The following GDAP2 variants were observed in gnomAD, a reference collection of about 807,000 sequenced individuals.
GDAP2 encodes ganglioside induced differentiation associated protein 2.
Under a neutral mutation model 67.0 loss-of-function variants are expected in GDAP2, and 51 were observed. That is an observed-to-expected ratio of 0.76 (90% CI 0.61 to 0.96). The LOEUF is 0.96. GDAP2 is among the 40% of genes least tolerant of loss of function. GDAP2 has a pLI of 0.00. For missense variants in GDAP2, 547 were observed against 588.3 expected (o/e 0.93, Z 0.73); for synonymous variants, 203 against 207.3 (o/e 0.98, Z 0.18).
Position 117,896,981 on chromosome 1 carries a change from C to T in GDAP2, c.805G>A (p.Glu269Lys). The change falls in exon 8 of 14, where the codon GAA (glutamate) becomes AAA (lysine). Residue 269 changes from glutamate (E) to lysine (K), a missense_variant. Glu to Lys is a moderately conservative substitution (Grantham distance 56). Coordinates refer to ENST00000369443, the MANE Select transcript of GDAP2 (RefSeq NM_017686.4). ...ACTCCCAAGCCTTCATCCTCCTCTT[C>T]TTGGTTATCTGTAACAAAAATGCAA... ...EKPGAPEDNQEEEDEGLGVDL... is the reference protein window; with the variant it reads ...EKPGAPEDNQKEEDEGLGVDL... 6.2e-7 allele frequency: 1 copy of T among 1,600,134 alleles called. No individual in the cohort carries two copies. The highest frequency in any genetic ancestry group is 8.5e-7 in the Non-Finnish European group (1 of 1,172,912).
At chr1:117,904,152 A>G (rs1649578918) in intron 6 of GDAP2, among the ~76,000 whole-genome samples, 1 of 151,656 alleles carries the variant, frequency 6.6e-6, no homozygotes, top group Non-Finnish European at 1.5e-5. Flanking sequence ...ACATTCAGCT[A>G]ATTTTTTTTT....
rs1648149053 is a variant in GDAP2, at chr1:117,868,421, T to A, written c.*2148A>T. The A allele has an allele frequency of 1.3e-5, 2 of 152,230 alleles. No homozygotes were observed. Among genetic ancestry groups the A allele is most frequent in the Non-Finnish European group, 2.9e-5 (2 of 68,038 alleles). 9.4% of individuals were successfully genotyped at this position (152,230 alleles called of 1,614,324 possible). A position where few individuals can be genotyped will look rare whatever the true frequency, so the allele number is the denominator to read the frequency against. ...AATTGTACTAAAATCTCAGCATATG[T>A]AGAATCCTGCTTGTGTTACTAAACA... is the stretch of plus-strand genomic sequence containing the variant. On this transcript the variant is annotated 3_prime_UTR_variant, in exon 14 of 14. Transcript: ENST00000369443.
chr1:117,908,836 T>C (rs538660477), intron 5 of GDAP2, among the ~76,000 whole-genome samples: 4 of 146,284 alleles, frequency 2.7e-5, no homozygotes, highest in Non-Finnish European at 5.9e-5. Flanking sequence ...AAAAAATAAA[T>C]AAATAAATAA....
In GDAP2 at chr1:117,870,388, T is replaced by C; in HGVS notation, c.*181A>G. The C allele has an allele frequency of 1.7e-6, 1 of 591,218 alleles. No homozygotes were observed. The highest frequency in any genetic ancestry group is 3.0e-6 in the Non-Finnish European group (1 of 330,856). 36.6% of individuals were successfully genotyped at this position (591,218 alleles called of 1,614,324 possible). On this transcript the variant is annotated 3_prime_UTR_variant, in exon 14 of 14. Coordinates refer to ENST00000369443, the MANE Select transcript of GDAP2 (RefSeq NM_017686.4). ...AATTTAAAATGTGTGCAGTTCAGAATGGCCTACCATTTTTAGATTGCTTAT... is the reference window on the plus strand; with the variant it reads ...AATTTAAAATGTGTGCAGTTCAGAACGGCCTACCATTTTTAGATTGCTTAT...
At chr1:117,922,137 GGCTAGA>G (rs1650274240) in intron 1 of GDAP2, among the ~76,000 whole-genome samples, 1 of 152,096 alleles carries the variant, frequency 6.6e-6, no homozygotes, top group Non-Finnish European at 1.5e-5. Flanking sequence ...GGTTATATGA[GGCTAGA>G]GCTCACAGAA....
chr1:117,880,272 A>C (rs1447959443), intron 12 of GDAP2, among the ~76,000 whole-genome samples: 1 of 152,158 alleles, frequency 6.6e-6, no homozygotes, highest in Non-Finnish European at 1.5e-5. Flanking sequence ...AGGCAAGGTA[A>C]GTTTCAAAGA....
At chr1:117,918,867 T>C (rs542504514) in intron 2 of GDAP2, 131 bp from the exon 3 acceptor site, 7 of 711,924 alleles carry the variant, frequency 9.8e-6, no homozygotes, top group Middle Eastern at 2.6e-4. Context: ...AGCTAAGCAA[T>C]AGTAGAAAAG....
intron 3 of GDAP2, among the ~76,000 whole-genome samples, chr1:117,913,834 G>T (rs956981191): frequency 6.6e-6 from 1 of 152,124 alleles, no homozygotes; most frequent in African/African-American, 2.4e-5. Context: ...GTCTTTGGGG[G>T]TAATTAGAAT....
intron 6 of GDAP2, among the ~76,000 whole-genome samples, chr1:117,902,238 A>G (rs575376673): frequency 1.8e-4 from 28 of 152,332 alleles, no homozygotes; most frequent in Admixed American, 9.8e-4. Flanking sequence ...AAACCTAGGC[A>G]TGAAACATGT....
chr1:117,914,936 C>T (rs1649997604), intron 3 of GDAP2, among the ~76,000 whole-genome samples: 1 of 151,318 alleles, frequency 6.6e-6, no homozygotes, highest in Non-Finnish European at 1.5e-5. Context: ...ATCCACCAAA[C>T]AGAAAAAAGG....
intron 13 of GDAP2, among the ~76,000 whole-genome samples, chr1:117,875,357 T>C (rs1180208936): frequency 1.3e-5 from 2 of 152,188 alleles, no homozygotes; most frequent in Non-Finnish European, 2.9e-5. Context: ...GCTATAAGCT[T>C]TGGTGGCTTC....
intron 13 of GDAP2, among the ~76,000 whole-genome samples, chr1:117,875,796 C>G (rs554203579): frequency 6.6e-6 from 1 of 152,264 alleles, no homozygotes; most frequent in South Asian, 2.1e-4. Flanking sequence ...GGCCAGTTAC[C>G]CCTTTCTTTT....
chr1:117,894,843 A>C (rs555361457), intron 8 of GDAP2, among the ~76,000 whole-genome samples: 12 of 152,232 alleles, frequency 7.9e-5, no homozygotes, highest in Admixed American at 3.9e-4. Flanking sequence ...CTTGAGCTTT[A>C]AATATATACA....
chr1:117,898,173 G>C (rs1649326260), intron 7 of GDAP2, among the ~76,000 whole-genome samples: 1 of 152,112 alleles, frequency 6.6e-6, no homozygotes, highest in South Asian at 2.1e-4. Flanking sequence ...CACACTAAAT[G>C]CATTTTATGA....
At chr1:117,889,584 G>T (rs530000963) in intron 8 of GDAP2, among the ~76,000 whole-genome samples, 2 of 151,956 alleles carry the variant, frequency 1.3e-5, no homozygotes, top group Admixed American at 1.3e-4. Flanking sequence ...TTCTGTGCTT[G>T]ACTTATTTCA....
rs1339611169 is a variant in GDAP2 at position 117,870,547 on chromosome 1, A to G, written c.*22T>C. 8.6e-6 allele frequency: 13 copies of G among 1,512,232 alleles called. No homozygotes were observed. In the Admixed American group the frequency reaches 1.5e-4, roughly 17 times the overall value. 93.7% of individuals were successfully genotyped at this position (1,512,232 alleles called of 1,614,324 possible). On this transcript the variant is annotated 3_prime_UTR_variant, in exon 14 of 14. Transcript: ENST00000369443. ...GGAGGAAGTGGCATCCTGGGAACCA[A>G]GAAGCACTGAAAGATGGCAGGTCAC...
intron 11 of GDAP2, among the ~76,000 whole-genome samples, chr1:117,882,469 C>T (rs1167222038): frequency 6.6e-6 from 1 of 152,120 alleles, no homozygotes; most frequent in Admixed American, 6.6e-5. Context: ...CCAGGCAATA[C>T]CACTCCAGAT....
chr1:117,875,332 C>T (rs910665650), intron 13 of GDAP2, among the ~76,000 whole-genome samples: 3 of 152,226 alleles, frequency 2.0e-5, no homozygotes, highest in Non-Finnish European at 1.5e-5. Context: ...CAGGCAACAG[C>T]TCTGGAGGGT....
chr1:117,905,978 G>A (rs1649643620), intron 6 of GDAP2, among the ~76,000 whole-genome samples: 2 of 152,060 alleles, frequency 1.3e-5, no homozygotes. Context: ...TGGAAATATT[G>A]GAAGCTGAAT....
Sources: gnomAD v4.1 joint callset for allele counts (sites outside exome capture counted in the v4.1 genomes callset) on GRCh38, gnomAD v4.1.1 for gene constraint, MANE v1.5 for transcripts, NCBI Gene and HGNC (gene_info 2026-07-23, HGNC 2026-07-21) for gene names.